Variants in PTPRD observed in about 807,000 individuals in gnomAD.
PTPRD encodes protein tyrosine phosphatase receptor type D.
PTPRD carries 34 observed loss-of-function variants against 214.5 expected under a neutral mutation model. That is an observed-to-expected ratio of 0.16 (90% CI 0.12 to 0.21). The LOEUF (loss-of-function observed/expected upper bound fraction) is 0.21, where lower values mean the gene tolerates loss of function less well. Ranked by LOEUF, PTPRD falls within the 10% of genes least tolerant of loss-of-function variation. The probability of loss-of-function intolerance (pLI) is 1.00; values close to 1 mark genes in which losing one functional copy is unlikely to be tolerated. For synonymous variants in PTPRD, 1,128 were observed against 845.7 expected (o/e 1.33, Z -5.79); for missense variants, 2,545 against 2,398.7 (o/e 1.06, Z -1.27).
At chr9:9,203,218 G>A (rs997515545) in intron 9 of PTPRD, among the ~76,000 whole-genome samples, 5 of 151,798 alleles carry the variant, frequency 3.3e-5, no homozygotes, top group Admixed American at 2.6e-4. Flanking sequence ...TGACAAGAGC[G>A]AGACTCCATC....
chr9:10,410,971 G>C (rs953461739), intron 2 of PTPRD, among the ~76,000 whole-genome samples: 1 of 151,746 alleles, frequency 6.6e-6, no homozygotes, highest in African/African-American at 2.4e-5. Flanking sequence ...ATATGGGGCT[G>C]AGTTTTATTA....
chr9:8,514,332 G>C (rs1453327596), intron 21 of PTPRD, among the ~76,000 whole-genome samples: 1 of 152,006 alleles, frequency 6.6e-6, no homozygotes, highest in Non-Finnish European at 1.5e-5. Context: ...GAAAAATTTT[G>C]TTTCTCAGAT....
intron 6 of PTPRD, among the ~76,000 whole-genome samples, chr9:9,758,195 A>C (rs1484627150): frequency 1.7e-5 from 2 of 119,346 alleles, no homozygotes; most frequent in Non-Finnish European, 3.4e-5. Flanking sequence ...TTTTTTTTTT[A>C]TTCCTGAATA....
chr9:8,604,178 C>G (rs534587296), intron 14 of PTPRD, among the ~76,000 whole-genome samples: 109 of 152,320 alleles, frequency 7.2e-4, no homozygotes, highest in African/African-American at 2.6e-3. Flanking sequence ...CCTCAAGATC[C>G]TCCCAGGAGA....
chr9:10,242,028 G>T (rs916573894), intron 3 of PTPRD, among the ~76,000 whole-genome samples: 3 of 151,848 alleles, frequency 2.0e-5, no homozygotes, highest in Admixed American at 1.3e-4. Context: ...GGAGTAAAAG[G>T]CTAAAGAAAC....
chr9:10,161,058 G>C (rs997098733), intron 3 of PTPRD, among the ~76,000 whole-genome samples: 6 of 151,774 alleles, frequency 4.0e-5, no homozygotes, highest in Admixed American at 2.0e-4. Flanking sequence ...ACTGATGAAA[G>C]AAATTGAAGA....
chr9:9,970,299 CATT>C (rs2095001320), intron 4 of PTPRD, among the ~76,000 whole-genome samples: 1 of 151,330 alleles, frequency 6.6e-6, no homozygotes, highest in Non-Finnish European at 1.5e-5. Context: ...AAGTACAAAA[CATT>C]AGCCGGGCGT....
intron 2 of PTPRD, among the ~76,000 whole-genome samples, chr9:10,557,107 G>T (rs1200906776): frequency 6.6e-6 from 1 of 151,908 alleles, no homozygotes; most frequent in Non-Finnish European, 1.5e-5. Context: ...CATTACAAAG[G>T]ACCATTTGAT....
intron 3 of PTPRD, among the ~76,000 whole-genome samples, chr9:10,196,184 A>G (rs1291899769): frequency 2.0e-5 from 3 of 152,194 alleles, no homozygotes; most frequent in African/African-American, 4.8e-5. Flanking sequence ...GTTTAATAAT[A>G]TGACATAAAG....
At chr9:9,049,816 CTTA>C (rs528897903) in intron 10 of PTPRD, among the ~76,000 whole-genome samples, 175 of 152,260 alleles carry the variant, frequency 1.1e-3, no homozygotes, top group African/African-American at 3.8e-3. Context: ...AAACAACCAT[CTTA>C]TTGTTAGAAA....
At chr9:8,616,155 A>C (rs1366307038) in intron 14 of PTPRD, among the ~76,000 whole-genome samples, 1 of 152,110 alleles carries the variant, frequency 6.6e-6, no homozygotes, top group Non-Finnish European at 1.5e-5. Flanking sequence ...CAAACCTCAT[A>C]TCCTGACTTT....
intron 11 of PTPRD, among the ~76,000 whole-genome samples, chr9:8,939,183 T>C (rs10977377): frequency 0.02 from 3,045 of 152,282 alleles, 145 homozygotes; most frequent in East Asian, 0.14. Context: ...CTATTGTTTA[T>C]TGCCACTGAA....
intron 35 of PTPRD, among the ~76,000 whole-genome samples, chr9:8,429,070 C>T (rs545216797): frequency 6.6e-6 from 1 of 152,276 alleles, no homozygotes; most frequent in Non-Finnish European, 1.5e-5. Context: ...TCATAGAGAA[C>T]CACTGGGTTT....
intron 2 of PTPRD, among the ~76,000 whole-genome samples, chr9:10,358,332 C>A (rs545063541): frequency 2.9e-4 from 44 of 151,982 alleles, no homozygotes; most frequent in African/African-American, 1.0e-3. Context: ...CATGGTGAAC[C>A]TATTTGGGAA....
intron 3 of PTPRD, among the ~76,000 whole-genome samples, chr9:10,208,477 G>A (rs1415264331): frequency 1.3e-5 from 2 of 152,220 alleles, no homozygotes; most frequent in South Asian, 4.1e-4. Context: ...TCGCGCCACT[G>A]CACTCCAGCC....
intron 14 of PTPRD, among the ~76,000 whole-genome samples, chr9:8,560,990 A>T (rs1298367617): frequency 6.6e-6 from 1 of 151,980 alleles, no homozygotes; most frequent in African/African-American, 2.4e-5. Context: ...TCAAATGCCT[A>T]GTCAGATGGG....
chr9:10,585,028 C>T (rs1407397), intron 2 of PTPRD, among the ~76,000 whole-genome samples: 1 of 152,082 alleles, frequency 6.6e-6, no homozygotes, highest in Admixed American at 6.6e-5. Flanking sequence ...CCAAACTAAT[C>T]TCACCTCCAT....
intron 21 of PTPRD, among the ~76,000 whole-genome samples, chr9:8,509,305 G>C (rs1361397830): frequency 1.3e-5 from 2 of 152,178 alleles, no homozygotes; most frequent in Non-Finnish European, 2.9e-5. Context: ...GGAAACAAGA[G>C]TGACCAGATA....
At chr9:9,882,738 C>T (rs919666182) in intron 5 of PTPRD, among the ~76,000 whole-genome samples, 1 of 151,400 alleles carries the variant, frequency 6.6e-6, no homozygotes, top group African/African-American at 2.4e-5. Context: ...CCCCCCTATA[C>T]ACCCCCAGAC....
Sources: allele counts gnomAD v4.1 joint callset (sites outside exome capture counted in the v4.1 genomes callset), GRCh38; gene constraint gnomAD v4.1.1; transcripts MANE v1.5; gene names NCBI Gene and HGNC (gene_info 2026-07-23, HGNC 2026-07-21).